The following RGS6 variants were observed in gnomAD, a reference collection of about 807,000 sequenced individuals.
RGS6 encodes the protein regulator of G protein signaling 6.
In RGS6, 30 loss-of-function variants were observed where a neutral mutation model predicts 78.5. The observed-to-expected ratio is 0.38, with a 90% CI of 0.29 to 0.52. RGS6 has a LOEUF of 0.52. RGS6 is among the 20% of genes least tolerant of loss of function. RGS6 has a pLI of 0.85. For missense variants in RGS6, 495 were observed against 609.7 expected (o/e 0.81, Z 1.98); for synonymous variants, 206 against 206.0 (o/e 1.00, Z 0.00).
At chr14:72,464,594 AG>A (rs2095855753) in intron 6 of RGS6, 1 of 152,252 alleles carries the variant, frequency 6.6e-6, no homozygotes, top group African/African-American at 2.4e-5. Flanking sequence ...AAATGATCAC[AG>A]GTTCTCTCTG....
intron 2 of RGS6, among the ~76,000 whole-genome samples, chr14:72,020,064 A>G (rs944864844): frequency 1.3e-5 from 2 of 152,228 alleles, no homozygotes; most frequent in African/African-American, 4.8e-5. Flanking sequence ...GTCACCATGA[A>G]GTTATATTAA....
chr14:72,431,635 A>G (rs1174581506), intron 3 of RGS6, among the ~76,000 whole-genome samples: 2 of 151,924 alleles, frequency 1.3e-5, no homozygotes, highest in Non-Finnish European at 2.9e-5. Context: ...TGCCCACCTC[A>G]GGGACATATA....
chr14:71,895,800 C>T, the RGS6 span, among the ~76,000 whole-genome samples: 1 of 152,138 alleles, frequency 6.6e-6, no homozygotes, highest in African/African-American at 2.4e-5. Flanking sequence ...GGTGCTAGAA[C>T]CCAAAGAACA....
At chr14:72,536,095 C>T in intron 15 of RGS6, 91 bp from the exon 16 acceptor site, 1 of 1,031,988 alleles carries the variant, frequency 9.7e-7, no homozygotes, top group South Asian at 1.3e-5. Flanking sequence ...CCTTCATCTC[C>T]TTCCCCAAAA....
At chr14:72,213,984 G>A (rs1490837745) in intron 2 of RGS6, among the ~76,000 whole-genome samples, 2 of 152,066 alleles carry the variant, frequency 1.3e-5, no homozygotes. Flanking sequence ...TGCTGAAGAG[G>A]TAGTTGTCAG....
intron 2 of RGS6, among the ~76,000 whole-genome samples, chr14:72,102,520 T>G (rs1250443059): frequency 6.6e-6 from 1 of 152,198 alleles, no homozygotes; most frequent in Non-Finnish European, 1.5e-5. Context: ...ATCACAGAAC[T>G]TTACAAGATA....
At chr14:72,351,916 A>G (rs573753514) in intron 2 of RGS6, among the ~76,000 whole-genome samples, 179 bp from the exon 3 acceptor site, 109 of 152,168 alleles carry the variant, frequency 7.2e-4, no homozygotes, top group Non-Finnish European at 1.2e-3. Context: ...AGACCTCCCT[A>G]TACCCAGCAC....
rs375026930 is a variant in RGS6 at position 72,352,097 on chromosome 14, T to G, written c.87T>G (p.Ile29Met). 1 of 1,609,656 alleles carries G rather than the reference T, an allele frequency of 6.2e-7. No individual in the cohort carries two copies. Among genetic ancestry groups the G allele is most frequent in the South Asian group, 1.1e-5 (1 of 90,218 alleles). ...TTCTTTTCTTTAACCTCTTTCAGAT[T>G]GAAGACATCATTACAAAGATGCAAG... is the stretch of plus-strand genomic sequence containing the variant. ...SSPNMIVYCKIEDIITKMQDD... is the reference protein window; with the variant it reads ...SSPNMIVYCKMEDIITKMQDD... The change falls in exon 3 of 18, where the codon ATT becomes ATG. Residue 29 changes from isoleucine (I) to methionine (M), a missense_variant and splice_region_variant. Transcript: ENST00000553525.
chr14:72,558,755 T>C (rs2097624722), intron 17 of RGS6, among the ~76,000 whole-genome samples: 1 of 152,204 alleles, frequency 6.6e-6, no homozygotes, highest in African/African-American at 2.4e-5. Flanking sequence ...TCCCAAATTC[T>C]ACTGGATTAC....
At chr14:72,120,312 C>T (rs1256058112) in intron 2 of RGS6, among the ~76,000 whole-genome samples, 1 of 152,182 alleles carries the variant, frequency 6.6e-6, no homozygotes, top group Non-Finnish European at 1.5e-5. Flanking sequence ...TGACATCTTA[C>T]ACAAATGCCC....
intron 2 of RGS6, among the ~76,000 whole-genome samples, chr14:71,987,769 T>C (rs1262275308): frequency 1.3e-5 from 2 of 152,096 alleles, no homozygotes; most frequent in African/African-American, 4.8e-5. Flanking sequence ...ATATCCTCCC[T>C]CCTCAGCCTC....
chr14:72,502,471 G>A (rs559980061), intron 13 of RGS6, among the ~76,000 whole-genome samples: 1 of 152,290 alleles, frequency 6.6e-6, no homozygotes, highest in South Asian at 2.1e-4. Context: ...TTGTTACACA[G>A]CGTAAATAAC....
At chr14:71,986,539 T>TA (rs879804936) in intron 2 of RGS6, among the ~76,000 whole-genome samples, 48 of 144,430 alleles carry the variant, frequency 3.3e-4, no homozygotes, top group Middle Eastern at 3.5e-3. Flanking sequence ...CATCTCTATT[T>TA]AAAAAAAAAA....
chr14:72,180,759 G>T (rs1352444269), intron 2 of RGS6, among the ~76,000 whole-genome samples: 1 of 152,154 alleles, frequency 6.6e-6, no homozygotes, highest in Non-Finnish European at 1.5e-5. Context: ...GTTATCATGG[G>T]AATGAGTTTG....
chr14:72,352,507 TAAAG>T (rs2079307704), intron 3 of RGS6, among the ~76,000 whole-genome samples: 1 of 152,214 alleles, frequency 6.6e-6, no homozygotes, highest in Non-Finnish European at 1.5e-5. Flanking sequence ...ACAGAAATAT[TAAAG>T]AAATTAAACA....
intron 3 of RGS6, among the ~76,000 whole-genome samples, chr14:72,370,316 G>T (rs983533398): frequency 6.6e-6 from 1 of 152,152 alleles, no homozygotes; most frequent in South Asian, 2.1e-4. Flanking sequence ...CCTGTCAGAC[G>T]ATGCCTTTAT....
At chr14:72,230,368 T>C (rs2049237429) in intron 2 of RGS6, among the ~76,000 whole-genome samples, 1 of 152,192 alleles carries the variant, frequency 6.6e-6, no homozygotes, top group Non-Finnish European at 1.5e-5. Flanking sequence ...TAGCCTTAAT[T>C]GTCTTTGTGA....
intron 2 of RGS6, among the ~76,000 whole-genome samples, chr14:72,137,333 A>T (rs1374940882): frequency 1.3e-5 from 2 of 152,086 alleles, no homozygotes; most frequent in Admixed American, 6.5e-5. Flanking sequence ...TGCTTTTTCT[A>T]TTCTCACCCG....
At chr14:72,317,206 T>C (rs1251442546) in intron 2 of RGS6, among the ~76,000 whole-genome samples, 3 of 151,994 alleles carry the variant, frequency 2.0e-5, no homozygotes, top group South Asian at 2.1e-4. Flanking sequence ...TGGCACAGGA[T>C]CAGGCACAAA....
Sources: allele counts gnomAD v4.1 joint callset (sites outside exome capture counted in the v4.1 genomes callset), GRCh38; gene constraint gnomAD v4.1.1; transcripts MANE v1.5; gene names NCBI Gene and HGNC (gene_info 2026-07-23, HGNC 2026-07-21).